ETV5: variants seen among roughly 807,000 people sequenced by gnomAD.
ETV5 encodes the protein ETS translocation variant 5.
Under a neutral mutation model 70.0 loss-of-function variants are expected in ETV5, and 10 were observed. That is an observed-to-expected ratio of 0.14 (90% confidence interval 0.09 to 0.24). The LOEUF (loss-of-function observed/expected upper bound fraction) is 0.24. Among genes scored for constraint, ETV5 ranks in the 10% least tolerant of loss-of-function variants. The probability of loss-of-function intolerance (pLI) is 1.00; values close to 1 mark genes in which losing one functional copy is unlikely to be tolerated. For missense variants in ETV5, 453 were observed against 651.2 expected, an observed-to-expected ratio of 0.70 and a Z score of 3.31; for synonymous variants, 216 against 242.2, an observed-to-expected ratio of 0.89 and a Z score of 1.01.
At position 186,105,795 on chromosome 3, in the gene ETV5, A is replaced by C; in HGVS notation, c.45+29T>G. On this transcript the variant is annotated intron_variant, in intron 2 of 12. Coordinates refer to ENST00000306376, the MANE Select transcript of ETV5 (RefSeq NM_004454.3). This position sits in a 1 kb window ranked among gnomAD's most constrained non-coding sequence, Gnocchi z 4.5. ...AAGACTCATATTGGAGAGGGAGGAC[A>C]AAACAAACCAAAAGCCACATAAACT... 6.2e-7 allele frequency: 1 copy of C among 1,612,478 alleles called. No individual in the cohort carries two copies. The highest frequency in any genetic ancestry group is 1.1e-5 in the South Asian group (1 of 91,036).
chr3:186,069,755 C>T (rs1021168974), intron 7 of ETV5, among the ~76,000 whole-genome samples: 1 of 152,092 alleles, frequency 6.6e-6, no homozygotes, highest in Non-Finnish European at 1.5e-5. Flanking sequence ...TTCAGCCTCT[C>T]AAAAGTTTGC....
chr3:186,078,026 C>A (rs917716345), intron 7 of ETV5: 1 of 1,058,446 alleles, frequency 9.4e-7, no homozygotes, highest in Non-Finnish European at 1.1e-6. Context: ...TTCCTTTCAA[C>A]ACCCACGGGC....
intron 5 of ETV5, among the ~76,000 whole-genome samples, chr3:186,102,251 A>G (rs1483166621): frequency 1.3e-5 from 2 of 152,136 alleles, no homozygotes; most frequent in South Asian, 4.1e-4. Flanking sequence ...TCTTTCTTTC[A>G]TGTATACAAT....
intron 5 of ETV5, among the ~76,000 whole-genome samples, chr3:186,084,725 T>C (rs1714016439): frequency 6.6e-6 from 1 of 152,172 alleles, no homozygotes; most frequent in African/African-American, 2.4e-5. Context: ...GGTGCTGCTA[T>C]TCGAGGGGAG....
intron 6 of ETV5, 143 bp downstream of exon 6, chr3:186,080,903 G>C (rs1047954605): frequency 5.1e-6 from 5 of 973,824 alleles, no homozygotes; most frequent in Non-Finnish European, 7.5e-6. Flanking sequence ...GACTACACCC[G>C]GAGGATGACA....
At chr3:186,079,492 C>T (rs963491758) in intron 7 of ETV5, among the ~76,000 whole-genome samples, 1 of 152,138 alleles carries the variant, frequency 6.6e-6, no homozygotes, top group Admixed American at 6.5e-5. Context: ...AATGAGGAGT[C>T]AGGAACCTGC....
In ETV5 at chr3:186,085,094, C is replaced by T. The variant is rs1359432374; in HGVS notation, c.233-3919G>A. Among the ~76,000 whole-genome samples, 4 of 151,486 alleles carry T rather than the reference C, an allele frequency of 2.6e-5. No homozygotes were observed. The East Asian group carries it at 7.8e-4, about 30-fold the overall frequency. On this transcript the variant is annotated intron_variant, in intron 5 of 12. Transcript: ENST00000306376. Reference sequence around the variant, plus strand: ...GCTTCCATTGTCTTCATTTTACGAACACGAAAACAAGGCTCAAAGTCACTT... The same window carrying T: ...GCTTCCATTGTCTTCATTTTACGAATACGAAAACAAGGCTCAAAGTCACTT...
intron 7 of ETV5, among the ~76,000 whole-genome samples, chr3:186,078,598 G>T (rs2150148810): frequency 6.6e-6 from 1 of 152,202 alleles, no homozygotes; most frequent in East Asian, 1.9e-4. Flanking sequence ...CACAAGTACA[G>T]GTTGTTAGTA....
At chr3:186,108,695 G>C (rs1312578450) in intron 1 of ETV5, 3 of 1,144,214 alleles carry the variant, frequency 2.6e-6, no homozygotes, top group Non-Finnish European at 3.3e-6. Context: ...CCCCCACGAC[G>C]TGTGGAAAGC....
chr3:186,051,551 CCA>C (rs1443581673), intron 12 of ETV5, among the ~76,000 whole-genome samples: 1 of 152,174 alleles, frequency 6.6e-6, no homozygotes, highest in African/African-American at 2.4e-5. Context: ...AACTTGAGTT[CCA>C]GTTTCTGTAA....
intron 5 of ETV5, among the ~76,000 whole-genome samples, chr3:186,103,470 G>A (rs576881440): frequency 2.6e-5 from 4 of 152,188 alleles, no homozygotes; most frequent in Non-Finnish European, 2.9e-5. Flanking sequence ...AAACAAAAGT[G>A]TCATAAAAGC....
intron 5 of ETV5, among the ~76,000 whole-genome samples, chr3:186,085,692 T>C (rs1430098955): frequency 1.3e-5 from 2 of 152,012 alleles, no homozygotes; most frequent in Non-Finnish European, 2.9e-5. Flanking sequence ...GTATTTTTAG[T>C]AGAGATGGGG....
chr3:186,082,241 G>A (rs774581544), intron 5 of ETV5, among the ~76,000 whole-genome samples: 1 of 152,216 alleles, frequency 6.6e-6, no homozygotes, highest in African/African-American at 2.4e-5. Context: ...AGGAGAGCAA[G>A]TTAAGCTTCT....
intron 7 of ETV5, among the ~76,000 whole-genome samples, chr3:186,071,891 G>A (rs553283545): frequency 5.9e-5 from 9 of 151,752 alleles, no homozygotes; most frequent in African/African-American, 1.7e-4. Flanking sequence ...TCCGCCTCTC[G>A]GGTTCAAGCA....
intron 5 of ETV5, among the ~76,000 whole-genome samples, chr3:186,102,432 A>G (rs780243484): frequency 4.6e-5 from 7 of 152,118 alleles, no homozygotes; most frequent in Non-Finnish European, 1.0e-4. Context: ...CAGGAGTTCA[A>G]GACCAGCCTG....
At chr3:186,058,805 G>C (rs1713229705) in intron 9 of ETV5, among the ~76,000 whole-genome samples, 1 of 152,092 alleles carries the variant, frequency 6.6e-6, no homozygotes, top group Admixed American at 6.5e-5. Context: ...TCTGAGGTCA[G>C]GAGTTCGAGA....
rs10681607 is a variant in ETV5 at position 186,066,262 on chromosome 3, C to CAAAAAA, written c.651-196_651-191dup. Among the ~76,000 whole-genome samples, 63 of 94,896 alleles carry CAAAAAA rather than the reference C, an allele frequency of 6.6e-4. 4 individuals carry two copies. The highest frequency in any genetic ancestry group is 5.1e-3 in the East Asian group (16 of 3,160). 62.3% of individuals were successfully genotyped at this position (94,896 alleles called of 152,430 possible). A position where few individuals can be genotyped will look rare whatever the true frequency, so the allele number is the denominator to read the frequency against. On this transcript the variant is annotated intron_variant, in intron 7 of 12. Transcript: ENST00000306376. ...TCGAAGCTCTTGAGTCAGGAAGTGGCAAAAAAAAAAAAAAAAAATCAAAGC... is the reference window on the plus strand; with the variant it reads ...TCGAAGCTCTTGAGTCAGGAAGTGGCAAAAAAAAAAAAAAAAAAAAAAAATCAAAGC...
intron 7 of ETV5, among the ~76,000 whole-genome samples, chr3:186,078,745 G>A (rs372235149): frequency 1.3e-5 from 2 of 152,020 alleles, no homozygotes; most frequent in African/African-American, 4.8e-5. Flanking sequence ...TAACACAGGC[G>A]TTCGTGTTCC....
intron 9 of ETV5, among the ~76,000 whole-genome samples, chr3:186,058,584 C>A (rs749284688): frequency 6.6e-6 from 1 of 152,018 alleles, no homozygotes; most frequent in Non-Finnish European, 1.5e-5. Flanking sequence ...GGATTCACTG[C>A]GACTTAAAAA....
Sources: allele counts gnomAD v4.1 joint callset (sites outside exome capture counted in the v4.1 genomes callset), GRCh38; gene constraint gnomAD v4.1.1; non-coding constraint Gnocchi (gnomAD v3.1); transcripts MANE v1.5; gene names NCBI Gene and HGNC (gene_info 2026-07-23, HGNC 2026-07-21).